RRAGD: variants seen among roughly 807,000 people sequenced by gnomAD.
RRAGD encodes Ras related GTP binding D, also known as ras-related GTP-binding protein D.
Under a neutral mutation model 35.5 loss-of-function variants are expected in RRAGD, and 12 were observed. That is an observed-to-expected ratio of 0.34 (90% CI 0.22 to 0.55). The LOEUF (loss-of-function observed/expected upper bound fraction) is 0.55, where lower values mean the gene tolerates loss of function less well. Among genes scored for constraint, RRAGD ranks in the 20% least tolerant of loss-of-function variants. RRAGD has a pLI of 0.91. For synonymous variants in RRAGD, 155 were observed against 178.9 expected (o/e 0.87, Z 1.07); for missense variants, 324 against 490.1 (o/e 0.66, Z 3.20).
intron 1 of RRAGD, among the ~76,000 whole-genome samples, chr6:89,398,007 C>T (rs1562462299): frequency 6.6e-6 from 1 of 152,096 alleles, no homozygotes; most frequent in Non-Finnish European, 1.5e-5. Context: ...ATTAGCTTGG[C>T]ATGGTGGTGG....
At position 89,411,634 on chromosome 6, in the gene RRAGD, C is replaced by T. The variant is rs1769695377; in HGVS notation, c.148+212G>A. 3.5e-6 allele frequency: 2 copies of T among 578,510 alleles called. No homozygotes were observed. The highest frequency in any genetic ancestry group is 2.1e-5 in the South Asian group (1 of 48,602). 35.8% of individuals were successfully genotyped at this position (578,510 alleles called of 1,614,324 possible). On this transcript the variant is annotated intron_variant, in intron 1 of 6. Coordinates refer to ENST00000369415, the MANE Select transcript of RRAGD (RefSeq NM_021244.5). The surrounding 1 kb of genome is among the most constrained non-coding windows in gnomAD (Gnocchi z 5.6). ...TCCCTCCTTCCCCTTTTCCACCGAT[C>T]CTGGTTGCCCCTCCGCCACCAGCAC...
rs1769017788 is a variant in RRAGD, at chr6:89,380,225, A to G, written c.587T>C (p.Ile196Thr). The G allele has an allele frequency of 1.2e-6, 2 of 1,614,228 alleles. No homozygotes were observed. Among genetic ancestry groups the G allele is most frequent in the Non-Finnish European group, 1.7e-6 (2 of 1,180,044 alleles). The change falls in exon 3 of 7, where the codon ATT becomes ACT. Residue 196 changes from isoleucine (I) to threonine (T), a missense_variant. By Grantham distance (89) the Ile-to-Thr change is moderately conservative. Around this residue, in one of 5 missense-constraint regions of RRAGD, gnomAD observed 152 missense variants for 296.9 expected, o/e 0.51. Coordinates refer to ENST00000369415, the MANE Select transcript of RRAGD (RefSeq NM_021244.5). ...AAGGTCATCGTTTGCCCTCTGGTGAATATCTCTTTGGGTTTCAATTTTGTG... is the reference window on the plus strand; with the variant it reads ...AAGGTCATCGTTTGCCCTCTGGTGAGTATCTCTTTGGGTTTCAATTTTGTG... ...DDHKIETQRD[I>T]HQRANDDLAD...
intron 2 of RRAGD, among the ~76,000 whole-genome samples, chr6:89,382,161 A>T (rs1455349856): frequency 6.6e-6 from 1 of 152,094 alleles, no homozygotes; most frequent in East Asian, 1.9e-4. Flanking sequence ...TGCTCCAAAC[A>T]TCAGTAAAAA....
intron 1 of RRAGD, among the ~76,000 whole-genome samples, chr6:89,401,797 CT>C (rs1240754207): frequency 6.6e-6 from 1 of 152,154 alleles, no homozygotes; most frequent in Non-Finnish European, 1.5e-5. Context: ...AACCCTGGGC[CT>C]TTTTAATAGT....
intron 2 of RRAGD, among the ~76,000 whole-genome samples, chr6:89,382,793 T>TG (rs1769070043): frequency 2.0e-5 from 3 of 152,014 alleles, no homozygotes; most frequent in Non-Finnish European, 4.4e-5. Flanking sequence ...GGAGAATTGC[T>TG]TAAACCTGGG....
intron 6 of RRAGD, among the ~76,000 whole-genome samples, chr6:89,371,624 G>T (rs1337026952): frequency 6.6e-6 from 1 of 152,008 alleles, no homozygotes; most frequent in African/African-American, 2.4e-5. Flanking sequence ...GGCTTATATT[G>T]CTTATAATAT....
chr6:89,395,850 G>A (rs571948093), intron 1 of RRAGD, among the ~76,000 whole-genome samples: 11 of 151,808 alleles, frequency 7.2e-5, no homozygotes, highest in Non-Finnish European at 1.5e-4. Flanking sequence ...AACAGACAGG[G>A]AAATAAACCC....
At chr6:89,399,767 ATTT>A (rs71556518) in intron 1 of RRAGD, among the ~76,000 whole-genome samples, 56 of 130,788 alleles carry the variant, frequency 4.3e-4, no homozygotes, top group African/African-American at 1.6e-3. Flanking sequence ...ATGCCCAGCT[ATTT>A]TTTTTTTTTT....
At chr6:89,387,701 T>C in intron 1 of RRAGD, 111 bp from the exon 2 acceptor site, 1 of 1,045,156 alleles carries the variant, frequency 9.6e-7, no homozygotes, top group Non-Finnish European at 1.4e-6. Flanking sequence ...GATGCCACTC[T>C]TCCAAAGAGT....
rs1329968471 is a variant in RRAGD, at chr6:89,366,458, A to G, written c.*1598T>C. The G allele has an allele frequency of 6.6e-6, 1 of 151,792 alleles. No homozygotes were observed. Among genetic ancestry groups the G allele is most frequent in the African/African-American group, 2.4e-5 (1 of 41,286 alleles). 9.4% of individuals were successfully genotyped at this position (151,792 alleles called of 1,614,324 possible). Reference sequence around the variant, plus strand: ...GAGGTGGAAGGATCCCTTGAGCCCAAGAGGTAACAGTGAGCTATGATTGTA... The same window carrying G: ...GAGGTGGAAGGATCCCTTGAGCCCAGGAGGTAACAGTGAGCTATGATTGTA... On this transcript the variant is annotated 3_prime_UTR_variant, in exon 7 of 7. Coordinates refer to ENST00000369415, the MANE Select transcript of RRAGD (RefSeq NM_021244.5).
At chr6:89,374,277 T>C (rs1768897685) in intron 5 of RRAGD, among the ~76,000 whole-genome samples, 1 of 152,202 alleles carries the variant, frequency 6.6e-6, no homozygotes, top group Non-Finnish European at 1.5e-5. Flanking sequence ...CAAACCTAGA[T>C]ATGGCTAATT....
chr6:89,377,882 A>C, intron 4 of RRAGD, 69 bp from the exon 5 acceptor site: 1 of 1,090,494 alleles, frequency 9.2e-7, no homozygotes, highest in Non-Finnish European at 1.3e-6. Context: ...ACTACACAAA[A>C]TTGAATGCCA....
Position 89,365,588 on chromosome 6 carries a change from C to T in RRAGD, c.*2468G>A, listed in dbSNP as rs1768726348. On this transcript the variant is annotated 3_prime_UTR_variant, in exon 7 of 7. Transcript: ENST00000369415. ...CTTTAATTAAGAAGTCATTGCCACA[C>T]TTACAAAGTTAGAGGCAGTAATCTA... is the stretch of plus-strand genomic sequence containing the variant. 2.0e-5 allele frequency: 3 copies of T among 152,180 alleles called. No individual in the cohort carries two copies. Among genetic ancestry groups the T allele is most frequent in the Non-Finnish European group, 4.4e-5 (3 of 68,030 alleles). The allele number at this position is 152,180 out of a possible 1,614,324, so 9.4% of individuals were successfully genotyped here. A position where few individuals can be genotyped will look rare whatever the true frequency, so the allele number is the denominator to read the frequency against.
chr6:89,387,736 A>G, intron 1 of RRAGD, 146 bp from the exon 2 acceptor site: 1 of 801,952 alleles, frequency 1.2e-6, no homozygotes. Flanking sequence ...CTCCACTTAA[A>G]CCCCAAGTCT....
At chr6:89,392,605 C>T (rs1464871126) in intron 1 of RRAGD, among the ~76,000 whole-genome samples, 1 of 152,064 alleles carries the variant, frequency 6.6e-6, no homozygotes, top group Non-Finnish European at 1.5e-5. Flanking sequence ...TAATCCAATA[C>T]AGACTGAAAA....
intron 1 of RRAGD, among the ~76,000 whole-genome samples, chr6:89,399,543 G>T (rs1448190334): frequency 6.6e-6 from 1 of 152,136 alleles, no homozygotes; most frequent in Non-Finnish European, 1.5e-5. Context: ...AGGCCAAGGA[G>T]GGCAAATTGC....
At chr6:89,380,089 G>A in intron 3 of RRAGD, 79 bp downstream of exon 3, 8 of 1,292,662 alleles carry the variant, frequency 6.2e-6, no homozygotes, top group Middle Eastern at 1.9e-4. Flanking sequence ...CCCATGCCAA[G>A]CCAATCATGG....
At chr6:89,382,760 C>T (rs1769069137) in intron 2 of RRAGD, among the ~76,000 whole-genome samples, 1 of 151,900 alleles carries the variant, frequency 6.6e-6, no homozygotes. Context: ...CCTGTAATCC[C>T]AGCTACTCAG....
chr6:89,391,969 A>AAAG (rs1562458184), intron 1 of RRAGD, among the ~76,000 whole-genome samples: 5 of 149,894 alleles, frequency 3.3e-5, no homozygotes, highest in African/African-American at 1.0e-4. Context: ...AAAAAAAAAA[A>AAAG]AAAAAAATCC....
Sources: gnomAD v4.1 joint callset for allele counts (sites outside exome capture counted in the v4.1 genomes callset) on GRCh38, gnomAD v4.1.1 for gene constraint, gnomAD v4.1.1 regional missense constraint, Gnocchi (gnomAD v3.1) non-coding constraint, MANE v1.5 for transcripts, NCBI Gene and HGNC (gene_info 2026-07-23, HGNC 2026-07-21) for gene names.